ST8SIA5: variants seen among roughly 807,000 people sequenced by gnomAD.
ST8SIA5 encodes the protein ST8 alpha-N-acetyl-neuraminide alpha-2,8-sialyltransferase 5, also known as alpha-2,8-sialyltransferase 8E.
ST8SIA5 carries 24 observed loss-of-function variants against 40.2 expected under a neutral mutation model. The ratio of observed to expected loss-of-function variants is 0.60; its 90% CI spans 0.43 to 0.84. The LOEUF (loss-of-function observed/expected upper bound fraction) is 0.84, where lower values mean the gene tolerates loss of function less well. Ranked by LOEUF, ST8SIA5 falls within the 40% of genes least tolerant of loss-of-function variation. The pLI is 0.00. For missense variants in ST8SIA5, 465 were observed against 498.5 expected (o/e 0.93, Z 0.64); for synonymous variants, 198 against 201.8 (o/e 0.98, Z 0.16).
chr18:46,749,347 T>A (rs1173932781), intron 1 of ST8SIA5, among the ~76,000 whole-genome samples: 1 of 152,166 alleles, frequency 6.6e-6, no homozygotes, highest in Non-Finnish European at 1.5e-5. Flanking sequence ...CTCTACACTT[T>A]AAGTGGGTGA....
chr18:46,725,895 A>T (rs2039913110), intron 1 of ST8SIA5, among the ~76,000 whole-genome samples: 1 of 144,364 alleles, frequency 6.9e-6, no homozygotes. Flanking sequence ...CCATGGTGGG[A>T]GGATCACTTG....
rs1386610072 is a variant in ST8SIA5, at chr18:46,668,130, G to A, written c.*11912C>T. The A allele has an allele frequency of 6.6e-6, 1 of 152,252 alleles. No homozygotes were observed. The highest frequency in any genetic ancestry group is 6.5e-5 in the Admixed American group (1 of 15,278). The allele number at this position is 152,252 out of a possible 1,614,324, so 9.4% of individuals were successfully genotyped here. A position where few individuals can be genotyped will look rare whatever the true frequency, so the allele number is the denominator to read the frequency against. ...GGGAGAAAATCAGCAGAGCAAGCAA[G>A]GGGCTTTTCATATAGATGGTGTTTC... is the stretch of plus-strand genomic sequence containing the variant. On this transcript the variant is annotated 3_prime_UTR_variant, in exon 7 of 7. Coordinates refer to ENST00000315087, the MANE Select transcript of ST8SIA5 (RefSeq NM_013305.6).
At chr18:46,737,349 C>T (rs1197219320) in intron 1 of ST8SIA5, among the ~76,000 whole-genome samples, 1 of 152,198 alleles carries the variant, frequency 6.6e-6, no homozygotes, top group Non-Finnish European at 1.5e-5. Context: ...CACTGTCTTA[C>T]ATAATTTTTC....
intron 2 of ST8SIA5, among the ~76,000 whole-genome samples, chr18:46,697,674 C>A (rs983355470): frequency 6.6e-6 from 1 of 152,086 alleles, no homozygotes; most frequent in Non-Finnish European, 1.5e-5. Context: ...CCACTGCACT[C>A]CAGCCTGGTT....
chr18:46,725,815 T>C (rs1018466365), intron 1 of ST8SIA5, among the ~76,000 whole-genome samples: 5 of 150,840 alleles, frequency 3.3e-5, no homozygotes, highest in South Asian at 4.2e-4. Context: ...TAAAGGAAGA[T>C]GACAAAATGA....
At chr18:46,722,702 C>G (rs1206243265) in intron 1 of ST8SIA5, among the ~76,000 whole-genome samples, 1 of 152,188 alleles carries the variant, frequency 6.6e-6, no homozygotes, top group Non-Finnish European at 1.5e-5. Flanking sequence ...CAGATGCCAG[C>G]AGCATTGTAC....
intron 2 of ST8SIA5, among the ~76,000 whole-genome samples, chr18:46,701,640 A>G (rs914336179): frequency 3.3e-5 from 5 of 152,184 alleles, no homozygotes; most frequent in African/African-American, 9.7e-5. Context: ...CAGTATCTTC[A>G]TCTCAGACCC....
chr18:46,749,188 G>A (rs1022093997), intron 1 of ST8SIA5, among the ~76,000 whole-genome samples: 2 of 152,114 alleles, frequency 1.3e-5, no homozygotes, highest in Non-Finnish European at 2.9e-5. Flanking sequence ...AGGTTAGTGC[G>A]TTTGCTCATT....
At chr18:46,686,322 C>A (rs772278079) in intron 4 of ST8SIA5, 36 bp from the exon 5 acceptor site, 1 of 1,578,796 alleles carries the variant, frequency 6.3e-7, no homozygotes, top group Non-Finnish European at 8.7e-7. Context: ...CAGAGCCAAG[C>A]CACCCCCTGC....
intron 1 of ST8SIA5, among the ~76,000 whole-genome samples, chr18:46,748,555 CAAAAAAAAA>C (rs71162822): frequency 6.4e-5 from 5 of 78,370 alleles, no homozygotes; most frequent in African/African-American, 2.6e-4. Context: ...AACTTCCTCT[CAAAAAAAAA>C]AAAAAAAAAA....
At chr18:46,710,773 T>C (rs917224587) in intron 1 of ST8SIA5, among the ~76,000 whole-genome samples, 1 of 151,974 alleles carries the variant, frequency 6.6e-6, no homozygotes, top group Non-Finnish European at 1.5e-5. Flanking sequence ...TGATTCCCTC[T>C]CCAGAGCTTC....
chr18:46,725,051 A>AAGGAAGGAAG (rs2039902806), intron 1 of ST8SIA5, among the ~76,000 whole-genome samples: 1 of 134,708 alleles, frequency 7.4e-6, no homozygotes, highest in East Asian at 2.3e-4. Context: ...AAGGAAGGAA[A>AAGGAAGGAAG]AGAGAGAAAG....
intron 1 of ST8SIA5, among the ~76,000 whole-genome samples, chr18:46,715,989 C>T (rs963522523): frequency 6.6e-6 from 1 of 151,976 alleles, no homozygotes; most frequent in Non-Finnish European, 1.5e-5. Context: ...AAAGAAAAGA[C>T]AAGGAGGCTC....
intron 1 of ST8SIA5, among the ~76,000 whole-genome samples, chr18:46,744,287 A>C (rs1366515883): frequency 6.6e-6 from 1 of 152,240 alleles, no homozygotes; most frequent in African/African-American, 2.4e-5. Context: ...ATAAAGAGTC[A>C]AGACCCATCA....
intron 1 of ST8SIA5, among the ~76,000 whole-genome samples, chr18:46,739,131 TG>T (rs1293826236): frequency 6.6e-6 from 1 of 152,138 alleles, no homozygotes; most frequent in Non-Finnish European, 1.5e-5. Context: ...AAGAACACCG[TG>T]GGCTGAGACC....
intron 4 of ST8SIA5, among the ~76,000 whole-genome samples, chr18:46,688,151 AG>A (rs1191988713): frequency 6.6e-6 from 1 of 152,260 alleles, no homozygotes; most frequent in African/African-American, 2.4e-5. Flanking sequence ...CTCCATGACC[AG>A]GGAGCCACCG....
intron 2 of ST8SIA5, among the ~76,000 whole-genome samples, chr18:46,692,767 G>A (rs576524443): frequency 1.1e-4 from 16 of 152,032 alleles, no homozygotes; most frequent in African/African-American, 3.6e-4. Context: ...TTCCTAGTTA[G>A]CAAACAACTG....
At chr18:46,712,502 A>G (rs1182041511) in intron 1 of ST8SIA5, among the ~76,000 whole-genome samples, 1 of 152,184 alleles carries the variant, frequency 6.6e-6, no homozygotes, top group Non-Finnish European at 1.5e-5. Flanking sequence ...CATTCAGCAG[A>G]GTCAGCCCAG....
chr18:46,737,426 T>C (rs2040045653), intron 1 of ST8SIA5, among the ~76,000 whole-genome samples: 2 of 152,212 alleles, frequency 1.3e-5, no homozygotes, highest in African/African-American at 2.4e-5. Flanking sequence ...AATTCTTTAG[T>C]AGCATCCCCT....
Sources: gnomAD v4.1 joint callset for allele counts (sites outside exome capture counted in the v4.1 genomes callset) on GRCh38, gnomAD v4.1.1 for gene constraint, MANE v1.5 for transcripts, NCBI Gene and HGNC (gene_info 2026-07-23, HGNC 2026-07-21) for gene names.